Variants in DNAAF8 observed in about 807,000 individuals in gnomAD.
DNAAF8 encodes dynein axonemal assembly factor 8.
A neutral mutation model predicts 54.6 loss-of-function variants in DNAAF8; 61 were observed. The ratio of observed to expected loss-of-function variants is 1.12; its 90% CI spans 0.91 to 1.38. The LOEUF is 1.38. Ranked by LOEUF, DNAAF8 falls within the 40% of genes most tolerant of loss-of-function variation. DNAAF8 has a pLI of 0.00. For synonymous variants in DNAAF8, 320 were observed against 270.1 expected (o/e 1.18, Z -1.81); for missense variants, 837 against 665.0 (o/e 1.26, Z -2.85).
Position 4,740,338 on chromosome 16 carries a change from G to C in DNAAF8, c.462G>C (p.Leu154=), listed in dbSNP as rs147856530. ...PRWLEGDLGS[L]SFNTKGSQGP... is the part of the protein sequence containing the mutation. ...GGCTGGAAGGCGACCTTGGAAGCCT[G>C]TCTTTCAACACCAAAGGATCCCAGG... Residue 154 remains leucine (L), a synonymous_variant, in exon 4 of 10, where the codon CTG becomes CTC. Transcript: ENST00000299320. 2.8e-5 allele frequency: 45 copies of C among 1,613,844 alleles called. No individual in the cohort carries two copies. The highest frequency in any genetic ancestry group is 3.6e-5 in the Non-Finnish European group (43 of 1,179,972).
intron 1 of DNAAF8, 77 bp from the exon 2 acceptor site, chr16:4,736,387 A>G (rs1465014511): frequency 1.8e-6 from 2 of 1,127,630 alleles, no homozygotes; most frequent in African/African-American, 3.2e-5. Context: ...TTGGTCTCCT[A>G]CAGCTGGTAG....
At chr16:4,736,690 C>G (rs2081905562) in intron 2 of DNAAF8, 47 bp downstream of exon 2, 2 of 1,488,640 alleles carry the variant, frequency 1.3e-6, no homozygotes. Context: ...CCTACCAGAG[C>G]AGGCATGACG....
rs116000676 is a variant in DNAAF8, at chr16:4,738,209, C to G, written c.276+263C>G. On this transcript the variant is annotated intron_variant, in intron 3 of 9. Transcript: ENST00000299320. ...ACCCTTCTCTTCTTCTTGATCGCTC[C>G]TATCCTGTTCTCTACCATGGCATCC... 1.9e-3 allele frequency among the ~76,000 whole-genome samples: 294 copies of G among 152,226 alleles called. 2 individuals carry two copies. The highest frequency in any genetic ancestry group is 6.8e-3 in the African/African-American group (281 of 41,536).
chr16:4,740,429 C>G lies in DNAAF8; in HGVS notation c.553C>G (p.Pro185Ala). The change falls in exon 4 of 10, where the codon CCC (proline) becomes GCC (alanine). Residue 185 changes from proline (P) to alanine (A), a missense_variant. Physicochemically the swap from Pro to Ala is conservative, Grantham distance 27. Transcript: ENST00000299320. ...SCHEGDPKAE[P>A]LSTASQESVN... is the part of the protein sequence containing the mutation. Reference sequence around the variant, plus strand: ...CCATGAAGGAGACCCAAAGGCAGAGCCCCTCAGCACTGCCTCACAAGAATC... The same window carrying G: ...CCATGAAGGAGACCCAAAGGCAGAGGCCCTCAGCACTGCCTCACAAGAATC... 1.2e-6 allele frequency: 2 copies of G among 1,614,022 alleles called. No individual in the cohort carries two copies. Among genetic ancestry groups the G allele is most frequent in the Non-Finnish European group, 1.7e-6 (2 of 1,180,008 alleles).
Position 4,746,967 on chromosome 16 carries a change from G to C in DNAAF8, c.1222G>C (p.Glu408Gln). ...CTCTGACAGTGAGGAGGAGGAGGAG[G>C]AAGAGATGGCAGCTCTGGGAGACGC... ...SSSDSEEEEE[E>Q]EMAALGDAEG... Residue 408 changes from glutamate (E) to glutamine (Q), a missense_variant, in exon 8 of 10, where the codon GAA (glutamate) becomes CAA (glutamine). By Grantham distance (29) the Glu-to-Gln change is conservative (BLOSUM62 2). Coordinates refer to ENST00000299320, the MANE Select transcript of DNAAF8 (RefSeq NM_139170.3). 1 of 1,555,076 alleles carries C rather than the reference G, an allele frequency of 6.4e-7. No homozygotes were observed. Among genetic ancestry groups the C allele is most frequent in the Admixed American group, 2.1e-5 (1 of 47,254 alleles).
In DNAAF8 at chr16:4,742,334, T is replaced by G. The variant is rs1596484405; in HGVS notation, c.784-709T>G. On this transcript the variant is annotated intron_variant, in intron 4 of 9. Transcript: ENST00000299320. ...TTTTGGGAGACCCAGGCAGATGGATTGCTTGAGGTCAGGCATTCAAGACCA... is the reference window on the plus strand; with the variant it reads ...TTTTGGGAGACCCAGGCAGATGGATGGCTTGAGGTCAGGCATTCAAGACCA... 3.9e-5 allele frequency among the ~76,000 whole-genome samples: 6 copies of G among 152,232 alleles called. No homozygotes were observed. In the South Asian group the frequency reaches 1.2e-3, roughly 32 times the overall value.
intron 1 of DNAAF8, among the ~76,000 whole-genome samples, chr16:4,735,485 G>A (rs2081875788): frequency 6.6e-6 from 1 of 152,054 alleles, no homozygotes; most frequent in Non-Finnish European, 1.5e-5. Flanking sequence ...AGCCACAGCG[G>A]CCTCTCGAGC....
chr16:4,746,608 A>G, intron 7 of DNAAF8, 96 bp downstream of exon 7: 3 of 1,419,918 alleles, frequency 2.1e-6, no homozygotes, highest in Non-Finnish European at 2.9e-6. Flanking sequence ...GGGGAGGAAC[A>G]GGGACTTCAA....
Position 4,735,637 on chromosome 16 carries a change from C to CA in DNAAF8, c.-51-812dup, listed in dbSNP as rs569870522. 9.6e-3 allele frequency among the ~76,000 whole-genome samples: 1,296 copies of CA among 135,514 alleles called. 9 individuals are homozygous for CA. The highest frequency in any genetic ancestry group is 0.021 in the African/African-American group (756 of 36,778). 88.9% of individuals were successfully genotyped at this position (135,514 alleles called of 152,430 possible). ...CAGGGGCTGGTCAGAGTAGTGACTCCAAAAAAAAAAAAAAATCACTTAGTG... is the reference window on the plus strand; with the variant it reads ...CAGGGGCTGGTCAGAGTAGTGACTCCAAAAAAAAAAAAAAAATCACTTAGTG... On this transcript the variant is annotated intron_variant, in intron 1 of 9. Coordinates refer to ENST00000299320, the MANE Select transcript of DNAAF8 (RefSeq NM_139170.3).
At position 4,740,887 on chromosome 16, in the gene DNAAF8, TAA is replaced by T. The variant is rs1157169259; in HGVS notation, c.783+230_783+231del. Among the ~76,000 whole-genome samples the T allele has an allele frequency of 2.6e-5, 4 of 151,796 alleles. No individual in the cohort carries two copies. The East Asian group carries it at 7.7e-4, about 29-fold the overall frequency. On this transcript the variant is annotated intron_variant, in intron 4 of 9. Coordinates refer to ENST00000299320, the MANE Select transcript of DNAAF8 (RefSeq NM_139170.3). ...AAGAACAAGCAGGGCCTGCCTTCCT[TAA>T]AGAGAGAAAAGGAGGCCAGGCACAG...
At chr16:4,745,510 C>T (rs964417876) in intron 6 of DNAAF8, among the ~76,000 whole-genome samples, 2 of 152,210 alleles carry the variant, frequency 1.3e-5, no homozygotes, top group Non-Finnish European at 2.9e-5. Flanking sequence ...GGAGGCAGGG[C>T]CCCAGGGTCC....
chr16:4,740,231 G>C lies in DNAAF8; in HGVS notation c.355G>C (p.Glu119Gln). The change falls in exon 4 of 10, where the codon GAA becomes CAA. Residue 119 changes from glutamate (E) to glutamine (Q), a missense_variant. Glu to Gln is a conservative substitution (Grantham distance 29, BLOSUM62 2). Coordinates refer to ENST00000299320, the MANE Select transcript of DNAAF8 (RefSeq NM_139170.3). The part of the protein sequence containing the change: ...NTRTKDASSQ[E>Q]GRDPGRPFES... ...AAGGACAAAGGATGCATCCTCTCAG[G>C]AAGGAAGAGACCCTGGCAGGCCTTT... 1.2e-6 allele frequency: 2 copies of C among 1,614,048 alleles called. No individual in the cohort carries two copies. Among genetic ancestry groups the C allele is most frequent in the Non-Finnish European group, 1.7e-6 (2 of 1,179,972 alleles).
intron 8 of DNAAF8, 22 bp downstream of exon 8, chr16:4,747,047 G>A (rs755640133): frequency 1.5e-5 from 23 of 1,505,922 alleles, no homozygotes; most frequent in African/African-American, 7.1e-5. Context: ...GGGGCCTCTC[G>A]CCACCTGCAG....
intron 9 of DNAAF8, chr16:4,748,460 A>T (rs1012641659): frequency 6.6e-6 from 1 of 152,160 alleles, no homozygotes; most frequent in African/African-American, 2.4e-5. Context: ...ACCTTTATGA[A>T]TCTAGACAGA....
At chr16:4,745,051 G>A in intron 6 of DNAAF8, 40 bp downstream of exon 6, 1 of 1,598,694 alleles carries the variant, frequency 6.3e-7, no homozygotes, top group Non-Finnish European at 8.6e-7. Flanking sequence ...TGGTCCTTTA[G>A]AATGGCCCCA....
intron 2 of DNAAF8, 115 bp from the exon 3 acceptor site, chr16:4,737,685 T>TGGGCTGGGC: frequency 2.3e-6 from 3 of 1,320,582 alleles, no homozygotes; most frequent in East Asian, 2.4e-5. Context: ...ACGGGCTGGA[T>TGGGCTGGGC]GGGCTGGGCG....
At chr16:4,736,368 C>A in intron 1 of DNAAF8, 96 bp from the exon 2 acceptor site, 1 of 933,522 alleles carries the variant, frequency 1.1e-6, no homozygotes, top group South Asian at 3.3e-5. Context: ...GTGAGGCCTG[C>A]CAGCCTGTTT....
chr16:4,747,135 C>T (rs2082027823), intron 8 of DNAAF8, 110 bp downstream of exon 8: 1 of 1,238,728 alleles, frequency 8.1e-7, no homozygotes, highest in Admixed American at 2.8e-5. Flanking sequence ...GCTGCACCCA[C>T]CGCACAGGGT....
chr16:4,744,628 C>T (rs2081989644), intron 5 of DNAAF8, among the ~76,000 whole-genome samples: 2 of 93,408 alleles, frequency 2.1e-5, no homozygotes, highest in Middle Eastern at 6.0e-3. Context: ...AAATACGTCA[C>T]TCCTACTTCA....
Sources: gnomAD v4.1 joint callset for allele counts (sites outside exome capture counted in the v4.1 genomes callset) on GRCh38, gnomAD v4.1.1 for gene constraint, MANE v1.5 for transcripts, NCBI Gene and HGNC (gene_info 2026-07-23, HGNC 2026-07-21) for gene names.